The following CNTN4 variants were observed in gnomAD, a reference collection of about 807,000 sequenced individuals.
CNTN4 encodes contactin 4.
A neutral mutation model predicts 122.5 loss-of-function variants in CNTN4; 77 were observed. The observed-to-expected ratio is 0.63, with a 90% confidence interval of 0.52 to 0.76. The LOEUF is 0.76. Ranked by LOEUF, CNTN4 falls within the 30% of genes least tolerant of loss-of-function variation. CNTN4 has a pLI of 0.00. For missense variants in CNTN4, 1,256 were observed against 1,259.1 expected, an observed-to-expected ratio of 1.00 and a Z score of 0.04; for synonymous variants, 512 against 447.0, an observed-to-expected ratio of 1.15 and a Z score of -1.83.
Position 2,748,964 on chromosome 3 carries a change from G to C in CNTN4, c.358+3267G>C, listed in dbSNP as rs146921319. Among the ~76,000 whole-genome samples, 7 of 152,154 alleles carry C rather than the reference G, an allele frequency of 4.6e-5. No individual in the cohort carries two copies. The East Asian group carries it at 1.2e-3, about 25-fold the overall frequency. ...TACTTTTGTTCCCTCTGCCTGATCA[G>C]CTTTTCTCATGATCTTTCACACAGC... On this transcript the variant is annotated intron_variant, in intron 6 of 24. Coordinates refer to ENST00000418658, the MANE Select transcript of CNTN4 (RefSeq NM_175607.3).
intron 3 of CNTN4, among the ~76,000 whole-genome samples, chr3:2,556,821 T>C (rs896271129): frequency 6.6e-6 from 1 of 152,112 alleles, no homozygotes; most frequent in Non-Finnish European, 1.5e-5. Context: ...CTTAAGGGTG[T>C]GTGTAGTTTA....
chr3:2,275,125 G>A (rs901133200), intron 2 of CNTN4, among the ~76,000 whole-genome samples: 6 of 152,150 alleles, frequency 3.9e-5, no homozygotes, highest in Non-Finnish European at 5.9e-5. Flanking sequence ...CATCATCTAC[G>A]TTGCCTGTTT....
intron 12 of CNTN4, among the ~76,000 whole-genome samples, chr3:2,904,106 T>G (rs566943097): frequency 2.1e-4 from 32 of 152,310 alleles, no homozygotes; most frequent in African/African-American, 7.7e-4. Flanking sequence ...GAAGAGATGA[T>G]AATGACAACT....
chr3:2,895,808 G>A (rs1219728432), intron 10 of CNTN4, among the ~76,000 whole-genome samples: 1 of 152,210 alleles, frequency 6.6e-6, no homozygotes, highest in African/African-American at 2.4e-5. Context: ...GCCGAGGCGG[G>A]CGGATCACAA....
intron 3 of CNTN4, chr3:2,511,365 G>A (rs1307462222): frequency 6.6e-6 from 1 of 152,250 alleles, no homozygotes; most frequent in Non-Finnish European, 1.5e-5. Flanking sequence ...GATGCGAGGA[G>A]AGCCAGTTAG....
intron 2 of CNTN4, among the ~76,000 whole-genome samples, chr3:2,305,689 G>A (rs149268845): frequency 6.6e-6 from 1 of 151,972 alleles, no homozygotes; most frequent in African/African-American, 2.4e-5. Context: ...CAAGTCAGTG[G>A]TTTGTAGTAT....
rs78863608 is a variant in CNTN4, at chr3:2,769,558, G to A, written c.358+23861G>A. ...ATACTATCTTTCTGTAATTTTTCAC[G>A]TTGAAAAGTTCTGTCTTTTATGTAT... On this transcript the variant is annotated intron_variant, in intron 6 of 24. Transcript: ENST00000418658. Among the ~76,000 whole-genome samples, 78 of 152,034 alleles carry A rather than the reference G, an allele frequency of 5.1e-4. No individual in the cohort carries two copies. In the East Asian group the frequency reaches 0.012, roughly 24 times the overall value.
rs534301644 is a variant in CNTN4 at position 2,832,621 on chromosome 3, A to G, written c.454+13040A>G. 1.3e-4 allele frequency among the ~76,000 whole-genome samples: 20 copies of G among 152,336 alleles called. No homozygotes were observed. In the South Asian group the frequency reaches 4.1e-3, roughly 32 times the overall value. ...CTGGAGTGGAGAGGTTGTCAAAAGA[A>G]GCCAACATGGCACATGAGTATGGAC... On this transcript the variant is annotated intron_variant, in intron 7 of 24. Transcript: ENST00000418658.
intron 3 of CNTN4, among the ~76,000 whole-genome samples, chr3:2,478,586 A>G (rs529860256): frequency 1.3e-5 from 2 of 151,758 alleles, no homozygotes; most frequent in Non-Finnish European, 2.9e-5. Flanking sequence ...CTCCGCCCAC[A>G]CCCGTCCCTC....
chr3:2,540,443 G>A (rs950100369), intron 3 of CNTN4, among the ~76,000 whole-genome samples: 1 of 151,992 alleles, frequency 6.6e-6, no homozygotes, highest in Non-Finnish European at 1.5e-5. Flanking sequence ...GCATGGGTGT[G>A]GTTGAAGAGC....
At chr3:2,933,787 T>C (rs2094545382) in intron 13 of CNTN4, among the ~76,000 whole-genome samples, 1 of 152,150 alleles carries the variant, frequency 6.6e-6, no homozygotes, top group Admixed American at 6.5e-5. Flanking sequence ...TAGATCTGAG[T>C]TCTGGAATAG....
At chr3:2,384,270 A>G (rs1575515174) in intron 3 of CNTN4, among the ~76,000 whole-genome samples, 2 of 152,158 alleles carry the variant, frequency 1.3e-5, no homozygotes, top group African/African-American at 4.8e-5. Context: ...GGACCTGCTT[A>G]AGTTCACTAC....
At chr3:2,323,921 A>T (rs985927659) in intron 2 of CNTN4, among the ~76,000 whole-genome samples, 1 of 152,204 alleles carries the variant, frequency 6.6e-6, no homozygotes, top group Admixed American at 6.5e-5. Context: ...GTGCTGGTGG[A>T]GACAGGACTA....
chr3:2,688,649 A>G (rs2085563807), intron 4 of CNTN4, among the ~76,000 whole-genome samples: 1 of 152,214 alleles, frequency 6.6e-6, no homozygotes, highest in Non-Finnish European at 1.5e-5. Flanking sequence ...GGAAACATCC[A>G]GCAAGGTTAA....
intron 4 of CNTN4, among the ~76,000 whole-genome samples, chr3:2,723,762 C>T (rs1474611167): frequency 1.3e-5 from 2 of 152,180 alleles, no homozygotes; most frequent in African/African-American, 4.8e-5. Flanking sequence ...GCTCAGCGTA[C>T]CAGAATCTCA....
chr3:2,594,544 G>T (rs760418952), intron 4 of CNTN4, among the ~76,000 whole-genome samples: 8 of 150,784 alleles, frequency 5.3e-5, no homozygotes, highest in Non-Finnish European at 8.8e-5. Flanking sequence ...TCAGCCTCCC[G>T]AGTAGCTGGG....
intron 20 of CNTN4, 83 bp downstream of exon 20, chr3:3,040,354 C>A: frequency 9.5e-7 from 1 of 1,048,662 alleles, no homozygotes; most frequent in Non-Finnish European, 1.5e-6. Context: ...CAATCAATTT[C>A]GCATGGTACA....
intron 4 of CNTN4, among the ~76,000 whole-genome samples, chr3:2,702,475 A>G (rs2086410274): frequency 6.6e-6 from 1 of 152,270 alleles, no homozygotes; most frequent in Non-Finnish European, 1.5e-5. Context: ...AAAGTTGGTG[A>G]GGCATAACGG....
chr3:2,466,970 C>CTTTTTTTTTT (rs60879017), intron 3 of CNTN4, among the ~76,000 whole-genome samples: 61 of 115,774 alleles, frequency 5.3e-4, no homozygotes, highest in African/African-American at 7.4e-4. Flanking sequence ...TTCTTTCTTT[C>CTTTTTTTTTT]TTTTTTTTTT....
Sources: gnomAD v4.1 joint callset for allele counts (sites outside exome capture counted in the v4.1 genomes callset) on GRCh38, gnomAD v4.1.1 for gene constraint, MANE v1.5 for transcripts, NCBI Gene and HGNC (gene_info 2026-07-23, HGNC 2026-07-21) for gene names.